The following CIMAP2 variants were observed in gnomAD, a reference collection of about 807,000 sequenced individuals.
CIMAP2 encodes the protein ciliary microtubule associated protein 2, also known as ciliary microtubule-associated protein 2.
chr1:54,811,402 A>C, the CIMAP2 span, among the ~76,000 whole-genome samples: 4 of 152,072 alleles, frequency 2.6e-5, no homozygotes, highest in African/African-American at 9.7e-5. Flanking sequence ...GAATTGTCCA[A>C]GGCAAAGAGG....
At chr1:54,831,276 T>C in the CIMAP2 span, among the ~76,000 whole-genome samples, 2 of 152,216 alleles carry the variant, frequency 1.3e-5, no homozygotes, top group Middle Eastern at 3.2e-3. Context: ...TATTGGGATA[T>C]ATATGAAATG....
the CIMAP2 span, among the ~76,000 whole-genome samples, chr1:54,830,103 G>A: frequency 6.6e-6 from 1 of 152,180 alleles, no homozygotes; most frequent in Non-Finnish European, 1.5e-5. This position sits in a 1 kb window ranked among gnomAD's most constrained non-coding sequence, Gnocchi z 4.1. Context: ...TTTCCTCTCT[G>A]GGGGTTGTAA....
chr1:54,820,422 C>T, the CIMAP2 span, among the ~76,000 whole-genome samples: 10 of 151,786 alleles, frequency 6.6e-5, no homozygotes, highest in Non-Finnish European at 1.2e-4. Flanking sequence ...AAGTGGTCCT[C>T]CCACCTCGGC....
the CIMAP2 span, among the ~76,000 whole-genome samples, chr1:54,813,240 C>T: frequency 7.2e-5 from 11 of 152,128 alleles, no homozygotes; most frequent in Non-Finnish European, 1.5e-4. Flanking sequence ...CCATGCACAG[C>T]CTCCCCGACC....
chr1:54,840,939 T>C, the CIMAP2 span, among the ~76,000 whole-genome samples: 1 of 152,238 alleles, frequency 6.6e-6, no homozygotes, highest in Non-Finnish European at 1.5e-5. Context: ...TTAATAAACA[T>C]ACTTAGGGCA....
chr1:54,811,764 A>AGCGGGGGGGGGG, the CIMAP2 span: 3 of 1,097,910 alleles, frequency 2.7e-6, no homozygotes, highest in Non-Finnish European at 4.0e-6. Context: ...TGGTTCTGAC[A>AGCGGGGGGGGGG]GCCTCCATGC....
chr1:54,811,769 C>CGGGGGCGCG, the CIMAP2 span: 1 of 510,026 alleles, frequency 2.0e-6, no homozygotes, highest in Non-Finnish European at 3.9e-6. Flanking sequence ...CTGACAGCCT[C>CGGGGGCGCG]CATGCCCCCA....
At chr1:54,831,013 A>G in the CIMAP2 span, among the ~76,000 whole-genome samples, 4 of 152,142 alleles carry the variant, frequency 2.6e-5, no homozygotes, top group Non-Finnish European at 4.4e-5. Flanking sequence ...TACCCATTCA[A>G]TCCATGAAAA....
the CIMAP2 span, among the ~76,000 whole-genome samples, chr1:54,822,418 G>A: frequency 6.8e-6 from 1 of 146,076 alleles, no homozygotes; most frequent in African/African-American, 2.5e-5. Flanking sequence ...GTTTAGTTCT[G>A]CTCTAATCTT....
chr1:54,817,528 G>A, the CIMAP2 span, among the ~76,000 whole-genome samples: 2 of 152,166 alleles, frequency 1.3e-5, no homozygotes, highest in South Asian at 4.1e-4. Flanking sequence ...GTTCATAATG[G>A]GGTTGGTAAA....
At chr1:54,831,395 G>C in the CIMAP2 span, among the ~76,000 whole-genome samples, 1 of 151,860 alleles carries the variant, frequency 6.6e-6, no homozygotes, top group Non-Finnish European at 1.5e-5. Context: ...GCTCATTCCT[G>C]CAATTGCAGC....
the CIMAP2 span, chr1:54,806,218 CA>C: frequency 6.5e-7 from 1 of 1,528,904 alleles, no homozygotes; most frequent in African/African-American, 1.4e-5. Context: ...TGCAGAGCCA[CA>C]GGTGGGGCCC....
chr1:54,811,763 C>CCGCGGGGGGGG, the CIMAP2 span: 2 of 1,280,766 alleles, frequency 1.6e-6, no homozygotes, highest in Non-Finnish European at 2.2e-6. Flanking sequence ...GTGGTTCTGA[C>CCGCGGGGGGGG]AGCCTCCATG....
At chr1:54,824,927 G>A in the CIMAP2 span, among the ~76,000 whole-genome samples, 1 of 149,602 alleles carries the variant, frequency 6.7e-6, no homozygotes, top group Non-Finnish European at 1.5e-5. Context: ...GTATTCCTTG[G>A]AGGTATGATG....
At chr1:54,811,346 C>T in the CIMAP2 span, among the ~76,000 whole-genome samples, 1 of 152,144 alleles carries the variant, frequency 6.6e-6, no homozygotes, top group South Asian at 2.1e-4. Context: ...AGGAAGGCTT[C>T]ATTCCCAGGA....
At chr1:54,829,071 G>A in the CIMAP2 span, among the ~76,000 whole-genome samples, 1 of 152,246 alleles carries the variant, frequency 6.6e-6, no homozygotes, top group Admixed American at 6.5e-5. Flanking sequence ...TGTTGGCCAT[G>A]ATTACATGCG....
the CIMAP2 span, chr1:54,842,019 C>A: frequency 1.2e-6 from 1 of 806,000 alleles, no homozygotes; most frequent in Non-Finnish European, 2.0e-6. Context: ...ATGGGGATCA[C>A]CTTTGCCAGA....
chr1:54,826,337 G>A, the CIMAP2 span, among the ~76,000 whole-genome samples: 1 of 152,146 alleles, frequency 6.6e-6, no homozygotes, highest in South Asian at 2.1e-4. Context: ...CATTCCCCAG[G>A]GTGTAGGACA....
chr1:54,833,463 G>A, the CIMAP2 span, among the ~76,000 whole-genome samples: 1 of 152,322 alleles, frequency 6.6e-6, no homozygotes, highest in East Asian at 1.9e-4. Flanking sequence ...CTTCTGGAAT[G>A]TGCGGCTACA....
Sources: gnomAD v4.1 joint callset for allele counts (sites outside exome capture counted in the v4.1 genomes callset) on GRCh38, gnomAD v4.1.1 for gene constraint, Gnocchi (gnomAD v3.1) non-coding constraint, MANE v1.5 for transcripts, NCBI Gene and HGNC (gene_info 2026-07-23, HGNC 2026-07-21) for gene names.